The following ABCA10 variants were observed in gnomAD, a reference collection of about 807,000 sequenced individuals.
ABCA10 encodes the protein ATP-binding cassette sub-family A member 10.
ABCA10 carries 169 observed loss-of-function variants against 187.5 expected under a neutral mutation model. The observed-to-expected ratio is 0.90, with a 90% CI of 0.80 to 1.02. The LOEUF is 1.02. ABCA10 is among the 50% of genes least tolerant of loss of function. The probability of loss-of-function intolerance (pLI) is 0.00; values close to 1 mark genes in which losing one functional copy is unlikely to be tolerated. For synonymous variants in ABCA10, 574 were observed against 601.8 expected (o/e 0.95, Z 0.68); for missense variants, 1,727 against 1,812.4 (o/e 0.95, Z 0.86).
At chr17:69,176,921 G>A (rs1043052509) in intron 22 of ABCA10, among the ~76,000 whole-genome samples, 8 of 152,070 alleles carry the variant, frequency 5.3e-5, no homozygotes, top group African/African-American at 1.9e-4. Context: ...CAACTAAAGA[G>A]ATACCTTTTT....
intron 25 of ABCA10, among the ~76,000 whole-genome samples, chr17:69,173,637 A>G (rs1293718025): frequency 6.6e-6 from 1 of 152,090 alleles, no homozygotes; most frequent in African/African-American, 2.4e-5. Flanking sequence ...TTTGGACTTG[A>G]CCAACCTTTT....
chr17:69,231,109 C>T (rs2074829142), upstream of ABCA10, among the ~76,000 whole-genome samples: 1 of 152,058 alleles, frequency 6.6e-6, no homozygotes, highest in Non-Finnish European at 1.5e-5. Flanking sequence ...TGTCAGAGTC[C>T]GGAAGTCCAA....
At position 69,199,001 on chromosome 17, in the gene ABCA10, T is replaced by C. The variant is rs1324696213; in HGVS notation, c.1176-1879A>G. On this transcript the variant is annotated intron_variant, in intron 10 of 38. Transcript: ENST00000690296. ...GCCTACCTCTTAAAGTTAACCTCTC[T>C]CTTTTCTTGTACTTTAAGGTCAGAA... Among the ~76,000 whole-genome samples, 3 of 152,236 alleles carry C rather than the reference T, an allele frequency of 2.0e-5. No individual in the cohort carries two copies. In the East Asian group the frequency reaches 5.8e-4, roughly 29 times the overall value.
intron 9 of ABCA10, 93 bp from the exon 10 acceptor site, chr17:69,201,761 TAA>T (rs1245967759): frequency 1.9e-6 from 2 of 1,068,072 alleles, no homozygotes; most frequent in African/African-American, 1.6e-5. Flanking sequence ...ATTTTGAACT[TAA>T]GTTATTTATC....
intron 21 of ABCA10, 33 bp from the exon 22 acceptor site, chr17:69,182,323 A>G: frequency 7.4e-7 from 1 of 1,354,766 alleles, no homozygotes; most frequent in South Asian, 1.7e-5. Flanking sequence ...TAAGTTATAA[A>G]TTCTTATAGT....
At chr17:69,231,600 T>G (rs2074832456), upstream of ABCA10, among the ~76,000 whole-genome samples, 1 of 152,182 alleles carries the variant, frequency 6.6e-6, no homozygotes, top group Non-Finnish European at 1.5e-5. Context: ...GTTATTGATT[T>G]CTAGTTTTAT....
intron 6 of ABCA10, among the ~76,000 whole-genome samples, chr17:69,219,316 G>C (rs1215626293): frequency 1.3e-5 from 2 of 152,110 alleles, no homozygotes; most frequent in Non-Finnish European, 2.9e-5. Context: ...TTTTTATGCG[G>C]CATTTTTCGG....
At chr17:69,171,575 T>C (rs2074297620) in intron 25 of ABCA10, among the ~76,000 whole-genome samples, 3 of 152,168 alleles carry the variant, frequency 2.0e-5, no homozygotes. Context: ...CTGAGAATTT[T>C]CCTAAACTGA....
chr17:69,191,307 C>T lies in ABCA10; in HGVS notation c.1880G>A (p.Arg627Lys). 1.3e-6 allele frequency: 2 copies of T among 1,551,300 alleles called. No individual in the cohort carries two copies. The highest frequency in any genetic ancestry group is 1.7e-6 in the Non-Finnish European group (2 of 1,145,336). The part of the protein sequence containing the change: ...WGIGYHLSLH[R>K]NEMCDTEKIT... ...TTTTTCTGTGTCACACATTTCATTC[C>T]TGTGTAAACTATTATTTCAAAAGAG... Residue 627 changes from arginine (R) to lysine (K), a missense_variant, in exon 17 of 39, where the codon AGG becomes AAG. Arg to Lys is a conservative substitution (Grantham distance 26). Transcript: ENST00000690296.
At chr17:69,150,401 C>T in intron 36 of ABCA10, 2 of 172,736 alleles carry the variant, frequency 1.2e-5, no homozygotes, top group Admixed American at 5.9e-5. Flanking sequence ...TCCCCTCTCT[C>T]ATAGGAGAGA....
chr17:69,171,618 T>C (rs1030641502), intron 25 of ABCA10, among the ~76,000 whole-genome samples: 9 of 152,108 alleles, frequency 5.9e-5, no homozygotes, highest in African/African-American at 2.2e-4. Flanking sequence ...TCCCAATTTA[T>C]ACAAAAATAA....
At chr17:69,197,691 T>C (rs1350452272) in intron 10 of ABCA10, among the ~76,000 whole-genome samples, 1 of 152,214 alleles carries the variant, frequency 6.6e-6, no homozygotes, top group Non-Finnish European at 1.5e-5. Context: ...AAACTATTAC[T>C]CACTCTTTTG....
At position 69,148,696 on chromosome 17, in the gene ABCA10, A is replaced by G. The variant is rs2074106382; in HGVS notation, c.*131T>C. On this transcript the variant is annotated 3_prime_UTR_variant, in exon 39 of 39. Coordinates refer to ENST00000690296, the MANE Select transcript of ABCA10 (RefSeq NM_001377321.1). ...TCATCCTAAATTTTTAAAAATGAAA[A>G]CTGTAATCATTATTGAATGTTTATT... is the stretch of plus-strand genomic sequence containing the variant. The G allele has an allele frequency of 1.3e-6, 1 of 785,740 alleles. No homozygotes were observed. Among genetic ancestry groups the G allele is most frequent in the South Asian group, 2.2e-5 (1 of 45,338 alleles). The allele number at this position is 785,740 out of a possible 1,614,324, so 48.7% of individuals were successfully genotyped here. A position where few individuals can be genotyped will look rare whatever the true frequency, so the allele number is the denominator to read the frequency against.
chr17:69,163,677 T>C (rs1183267624), intron 27 of ABCA10, among the ~76,000 whole-genome samples: 1 of 152,212 alleles, frequency 6.6e-6, no homozygotes, highest in Non-Finnish European at 1.5e-5. Context: ...ACATTTATAT[T>C]CGCTTTCATT....
At chr17:69,169,121 A>G (rs1168466682) in intron 25 of ABCA10, among the ~76,000 whole-genome samples, 3 of 152,240 alleles carry the variant, frequency 2.0e-5, no homozygotes, top group Non-Finnish European at 4.4e-5. Flanking sequence ...ACTAGAAAGT[A>G]CTACTGTTAT....
At chr17:69,203,517 C>A (rs2074564325) in intron 9 of ABCA10, among the ~76,000 whole-genome samples, 1 of 152,162 alleles carries the variant, frequency 6.6e-6, no homozygotes, top group Non-Finnish European at 1.5e-5. Flanking sequence ...TAATTAACCA[C>A]CAAATCAAAT....
intron 10 of ABCA10, among the ~76,000 whole-genome samples, chr17:69,199,957 T>C (rs1010785354): frequency 6.6e-6 from 1 of 152,302 alleles, no homozygotes; most frequent in South Asian, 2.1e-4. Flanking sequence ...CTTGAAAGAC[T>C]ACTAAAAATT....
At chr17:69,202,031 C>T (rs1026819184) in intron 9 of ABCA10, among the ~76,000 whole-genome samples, 2 of 152,234 alleles carry the variant, frequency 1.3e-5, no homozygotes, top group Non-Finnish European at 2.9e-5. Flanking sequence ...GATCCGCCCA[C>T]CTCGGCCTCC....
chr17:69,225,557 A>G, intron 2 of ABCA10, 28 bp from the exon 3 acceptor site: 1 of 540,712 alleles, frequency 1.8e-6, no homozygotes, highest in Non-Finnish European at 3.3e-6. Flanking sequence ...GAAATGAGCC[A>G]TGTTATAACG....
Sources: gnomAD v4.1 joint callset for allele counts (sites outside exome capture counted in the v4.1 genomes callset) on GRCh38, gnomAD v4.1.1 for gene constraint, MANE v1.5 for transcripts, NCBI Gene and HGNC (gene_info 2026-07-23, HGNC 2026-07-21) for gene names.